Variants in INTS14 observed in about 807,000 individuals in gnomAD.
INTS14 encodes the protein integrator complex subunit 14.
A neutral mutation model predicts 56.9 loss-of-function variants in INTS14; 27 were observed. The observed-to-expected ratio is 0.47, with a 90% CI of 0.35 to 0.65. The LOEUF (loss-of-function observed/expected upper bound fraction) is 0.65. Ranked by LOEUF, INTS14 falls within the 30% of genes least tolerant of loss-of-function variation. The pLI, the probability that INTS14 is intolerant of heterozygous loss-of-function variation, is 0.00. For missense variants in INTS14, 517 were observed against 632.2 expected, an observed-to-expected ratio of 0.82 and a Z score of 1.95; for synonymous variants, 207 against 236.2, an observed-to-expected ratio of 0.88 and a Z score of 1.13.
At chr15:65,609,228 C>CA (rs2073768460) in intron 1 of INTS14, among the ~76,000 whole-genome samples, 3 of 152,172 alleles carry the variant, frequency 2.0e-5, no homozygotes, top group Admixed American at 6.5e-5. Flanking sequence ...GCTGGGATTA[C>CA]AGGCGTGAGC....
intron 1 of INTS14, 38 bp downstream of exon 1, chr15:65,611,060 G>A (rs4366668): frequency 0.47 from 722,767 of 1,535,240 alleles, 179,627 homozygotes; most frequent in African/African-American, 0.85. Context: ...CCAACAAGCA[G>A]CGAAAGGCAG....
intron 1 of INTS14, chr15:65,610,651 A>C: frequency 6.5e-7 from 1 of 1,532,098 alleles, no homozygotes. Context: ...TCTCGCTCTC[A>C]AAGCAGGATT....
At position 65,607,417 on chromosome 15, in the gene INTS14, A is replaced by G. The variant is rs769199398; in HGVS notation, c.-37T>C. The G allele has an allele frequency of 3.2e-5, 52 of 1,612,232 alleles. No homozygotes were observed. Among genetic ancestry groups the G allele is most frequent in the Non-Finnish European group, 4.1e-5 (48 of 1,178,798 alleles). The stretch of plus-strand genomic sequence containing the variant: ...TCCCAGTGTTCCCAATCAGAATGCA[A>G]ACAGACAGCTATAAACGAAGAAATG... On this transcript the variant is annotated 5_prime_UTR_variant, in exon 2 of 12. Coordinates refer to ENST00000313182, the MANE Select transcript of INTS14 (RefSeq NM_001394796.1).
chr15:65,605,939 A>G (rs945661760), intron 2 of INTS14, among the ~76,000 whole-genome samples: 5 of 152,226 alleles, frequency 3.3e-5, no homozygotes, highest in African/African-American at 1.2e-4. Flanking sequence ...TTTTTTTAAA[A>G]AAAGCTTTTA....
rs182718490 is a variant in INTS14, at chr15:65,578,875, C to T, written c.*533G>A. 1 of 152,272 alleles carries T rather than the reference C, an allele frequency of 6.6e-6. No homozygotes were observed. Among genetic ancestry groups the T allele is most frequent in the East Asian group, 1.9e-4 (1 of 5,178 alleles). The allele number at this position is 152,272 out of a possible 1,614,324, so 9.4% of individuals were successfully genotyped here. A position where few individuals can be genotyped will look rare whatever the true frequency, so the allele number is the denominator to read the frequency against. On this transcript the variant is annotated 3_prime_UTR_variant, in exon 12 of 12. Transcript: ENST00000313182. ...ATGGTTGCTCTTTAAAAGTTAGAAT[C>T]TCAAGAGATACCAAAAGCACTTAAG...
chr15:65,606,580 A>G (rs1441826939), intron 2 of INTS14, among the ~76,000 whole-genome samples: 1 of 152,132 alleles, frequency 6.6e-6, no homozygotes, highest in Non-Finnish European at 1.5e-5. Context: ...ACTGCTCACT[A>G]TGGGTAAGAC....
chr15:65,589,306 C>A (rs1269707567), intron 9 of INTS14, among the ~76,000 whole-genome samples: 2 of 152,166 alleles, frequency 1.3e-5, no homozygotes, highest in African/African-American at 4.8e-5. Flanking sequence ...CACAGGTGCA[C>A]ACCACCATGC....
At chr15:65,591,389 T>C (rs1206148046) in intron 9 of INTS14, among the ~76,000 whole-genome samples, 1 of 152,164 alleles carries the variant, frequency 6.6e-6, no homozygotes, top group Non-Finnish European at 1.5e-5. Context: ...CTTAAAGCAA[T>C]CTAAATGTTG....
At chr15:65,602,329 A>C (rs542990809) in intron 3 of INTS14, among the ~76,000 whole-genome samples, 1 of 149,238 alleles carries the variant, frequency 6.7e-6, no homozygotes, top group South Asian at 2.1e-4. Context: ...TCTGTTGCCC[A>C]GACTGGAGTG....
At position 65,605,115 on chromosome 15, in the gene INTS14, G is replaced by A. The variant is rs773346769; in HGVS notation, c.330+14C>T. ...GTTGTTAACTTAGGGCAATGAAAAA[G>A]AATTGATCATTACCTGGCAAGGAAT... On this transcript the variant is annotated intron_variant, in intron 3 of 11. Transcript: ENST00000313182. 6.3e-7 allele frequency: 1 copy of A among 1,599,750 alleles called. No homozygotes were observed. Among genetic ancestry groups the A allele is most frequent in the Non-Finnish European group, 8.6e-7 (1 of 1,166,950 alleles).
chr15:65,588,232 T>G (rs1038839818), intron 9 of INTS14, among the ~76,000 whole-genome samples: 4 of 152,004 alleles, frequency 2.6e-5, no homozygotes, highest in African/African-American at 9.7e-5. Context: ...GAGGTTGTAG[T>G]GAGCTGAGAT....
In INTS14 at chr15:65,591,739, G is replaced by C; in HGVS notation, c.987-8C>G. ...ATTCCATGCCATTCAGGACTAGATGGAGAGAAGACGGAAGATCAGAAGAAC... is the reference window on the plus strand; with the variant it reads ...ATTCCATGCCATTCAGGACTAGATGCAGAGAAGACGGAAGATCAGAAGAAC... On this transcript the variant is annotated splice_region_variant and splice_polypyrimidine_tract_variant and intron_variant, in intron 8 of 11. Coordinates refer to ENST00000313182, the MANE Select transcript of INTS14 (RefSeq NM_001394796.1). 1 of 1,613,466 alleles carries C rather than the reference G, an allele frequency of 6.2e-7. No individual in the cohort carries two copies. The highest frequency in any genetic ancestry group is 8.5e-7 in the Non-Finnish European group (1 of 1,179,764).
At chr15:65,590,769 C>T (rs1361301799) in intron 9 of INTS14, among the ~76,000 whole-genome samples, 1 of 152,158 alleles carries the variant, frequency 6.6e-6, no homozygotes, top group Non-Finnish European at 1.5e-5. Flanking sequence ...AGGCCTGGCA[C>T]AGAATAGGTT....
rs2072631292 is a variant in INTS14, at chr15:65,581,809, G to C, written c.1305+145C>G. 5.2e-6 allele frequency: 4 copies of C among 773,804 alleles called. No homozygotes were observed. In the East Asian group the frequency reaches 8.1e-5, roughly 16 times the overall value. 47.9% of individuals were successfully genotyped at this position (773,804 alleles called of 1,614,324 possible). ...ATTCTTGGATTTTAGGGAAGGAACAGACCTATCACTTTTACTGAGTTTATT... is the reference window on the plus strand; with the variant it reads ...ATTCTTGGATTTTAGGGAAGGAACACACCTATCACTTTTACTGAGTTTATT... On this transcript the variant is annotated intron_variant, in intron 11 of 11. Transcript: ENST00000313182.
chr15:65,607,912 A>T (rs1216232374), intron 1 of INTS14, among the ~76,000 whole-genome samples: 1 of 152,226 alleles, frequency 6.6e-6, no homozygotes, highest in Non-Finnish European at 1.5e-5. Context: ...TTGTTTTAGT[A>T]AAATGAATGC....
At chr15:65,602,629 T>C (rs1037924162) in intron 3 of INTS14, among the ~76,000 whole-genome samples, 7 of 151,760 alleles carry the variant, frequency 4.6e-5, no homozygotes, top group Non-Finnish European at 1.5e-5. Context: ...TAACTGATTA[T>C]AAAAACAATA....
intron 8 of INTS14, 82 bp downstream of exon 8, chr15:65,593,346 C>G: frequency 6.7e-7 from 1 of 1,490,808 alleles, no homozygotes; most frequent in Admixed American, 2.1e-5. Context: ...CTTTCTATTT[C>G]CTTCAGAAAA....
chr15:65,591,330 A>C (rs1033884562), intron 9 of INTS14, among the ~76,000 whole-genome samples: 1 of 152,226 alleles, frequency 6.6e-6, no homozygotes, highest in Non-Finnish European at 1.5e-5. Context: ...AAGAAAAAAA[A>C]TTATGGAGAT....
In INTS14 at chr15:65,584,710, T is replaced by G. The variant is rs1299567178; in HGVS notation, c.1239+60A>C. On this transcript the variant is annotated intron_variant, in intron 10 of 11. Transcript: ENST00000313182. ...GGAAAAGAAAATCAAATAAAATGCC[T>G]GCCTGCCTACCCAAATGTCTCCTGT... The G allele has an allele frequency of 4.3e-6, 6 of 1,405,874 alleles. No individual in the cohort carries two copies. The African/African-American group carries it at 4.4e-5, about 10-fold the overall frequency. 87.1% of individuals were successfully genotyped at this position (1,405,874 alleles called of 1,614,324 possible). A position where few individuals can be genotyped will look rare whatever the true frequency, so the allele number is the denominator to read the frequency against.
Sources: gnomAD v4.1 joint callset for allele counts (sites outside exome capture counted in the v4.1 genomes callset) on GRCh38, gnomAD v4.1.1 for gene constraint, MANE v1.5 for transcripts, NCBI Gene and HGNC (gene_info 2026-07-23, HGNC 2026-07-21) for gene names.